Variants in FBLN1 observed in about 807,000 individuals in gnomAD.
FBLN1 encodes the protein fibulin 1.
Under a neutral mutation model 89.7 loss-of-function variants are expected in FBLN1, and 34 were observed. That is an observed-to-expected ratio of 0.38 (90% CI 0.29 to 0.50). The LOEUF is 0.50. Among genes scored for constraint, FBLN1 ranks in the 20% least tolerant of loss-of-function variants. The pLI is 0.92. For missense variants in FBLN1, 777 were observed against 988.1 expected (o/e 0.79, Z 2.86); for synonymous variants, 393 against 391.3 (o/e 1.00, Z -0.05).
At position 45,585,423 on chromosome 22, in the gene FBLN1, A is replaced by T. The variant is rs1360570506; in HGVS notation, c.1972+8315A>T. ...ATGTGCGCCGCTGACCGCGTCCTGCAGCCCATGTGGAGAGTTTGGCCCGGG... is the reference window on the plus strand; with the variant it reads ...ATGTGCGCCGCTGACCGCGTCCTGCTGCCCATGTGGAGAGTTTGGCCCGGG... On this transcript the variant is annotated intron_variant, in intron 16 of 16. Coordinates refer to ENST00000327858, the MANE Select transcript of FBLN1 (RefSeq NM_006486.3). Among the ~76,000 whole-genome samples, 3 of 152,242 alleles carry T rather than the reference A, an allele frequency of 2.0e-5. No homozygotes were observed. In the East Asian group the frequency reaches 5.8e-4, roughly 29 times the overall value.
rs528805163 is a variant in FBLN1 at position 45,549,919 on chromosome 22, G to A, written c.1574-573G>A. 1.8e-4 allele frequency among the ~76,000 whole-genome samples: 27 copies of A among 152,118 alleles called. No homozygotes were observed. The highest frequency in any genetic ancestry group is 3.5e-4 in the Non-Finnish European group (24 of 68,026). On this transcript the variant is annotated intron_variant, in intron 13 of 16. Coordinates refer to ENST00000327858, the MANE Select transcript of FBLN1 (RefSeq NM_006486.3). This position sits in a 1 kb window ranked among gnomAD's most constrained non-coding sequence, Gnocchi z 5.7. ...ACACAGGCAAGACGTATGATCCCTC[G>A]AAGGCTGTTTTTCTCATTGTTGTGT...
chr22:45,509,554 C>T (rs2146938772), intron 1 of FBLN1, among the ~76,000 whole-genome samples: 1 of 152,074 alleles, frequency 6.6e-6, no homozygotes, highest in South Asian at 2.1e-4. Flanking sequence ...CGAGTCTGTC[C>T]TCATCCTGGA....
intron 11 of FBLN1, among the ~76,000 whole-genome samples, chr22:45,546,195 G>C (rs1190666891): frequency 6.6e-6 from 1 of 151,842 alleles, no homozygotes; most frequent in Admixed American, 6.6e-5. Context: ...AAAAAAGAGT[G>C]AATGTGGCTG....
At chr22:45,589,568 G>T (rs1263175687) in intron 16 of FBLN1, among the ~76,000 whole-genome samples, 1 of 152,206 alleles carries the variant, frequency 6.6e-6, no homozygotes, top group Non-Finnish European at 1.5e-5. Context: ...TGCAGCAGGG[G>T]GCCCCTTTCT....
chr22:45,524,095 C>T (rs1406865484), intron 2 of FBLN1, among the ~76,000 whole-genome samples: 1 of 152,210 alleles, frequency 6.6e-6, no homozygotes, highest in Non-Finnish European at 1.5e-5. Flanking sequence ...CATCCTGGAG[C>T]CTGAAGGCAG....
At chr22:45,596,342 A>G (rs1372251360) in intron 16 of FBLN1, among the ~76,000 whole-genome samples, 2 of 152,162 alleles carry the variant, frequency 1.3e-5, no homozygotes, top group African/African-American at 4.8e-5. Flanking sequence ...AGCTCACTGC[A>G]TGAGCACTTT....
chr22:45,599,275 A>G (rs2089211162), intron 16 of FBLN1, among the ~76,000 whole-genome samples: 1 of 152,068 alleles, frequency 6.6e-6, no homozygotes, highest in South Asian at 2.1e-4. Flanking sequence ...TGCACCACCC[A>G]TCCTCCTTTT....
Position 45,597,546 on chromosome 22 carries a change from G to A in FBLN1, c.1973-2761G>A, listed in dbSNP as rs1412300048. Among the ~76,000 whole-genome samples the A allele has an allele frequency of 6.6e-6, 1 of 152,168 alleles. No homozygotes were observed. Among genetic ancestry groups the A allele is most frequent in the Non-Finnish European group, 1.5e-5 (1 of 68,034 alleles). The stretch of plus-strand genomic sequence containing the variant: ...ATATGACATACAGGGGGCCCACGGG[G>A]GTACGTTAGGTTCAGCCCTGTAAGC... On this transcript the variant is annotated intron_variant, in intron 16 of 16. Transcript: ENST00000327858. This position sits in a 1 kb window ranked among gnomAD's most constrained non-coding sequence, Gnocchi z 4.2.
rs553508359 is a variant in FBLN1, at chr22:45,597,938, T to C, written c.1973-2369T>C. ...ATTCTCTTTCTGAGCGTGAACTTGA[T>C]GTTCCTGACCAGGAACCAGCCACTC... On this transcript the variant is annotated intron_variant, in intron 16 of 16. Coordinates refer to ENST00000327858, the MANE Select transcript of FBLN1 (RefSeq NM_006486.3). The surrounding 1 kb of genome is among the most constrained non-coding windows in gnomAD (Gnocchi z 4.2). Among the ~76,000 whole-genome samples, 1 of 152,290 alleles carries C rather than the reference T, an allele frequency of 6.6e-6. No individual in the cohort carries two copies. Among genetic ancestry groups the C allele is most frequent in the Admixed American group, 6.5e-5 (1 of 15,300 alleles).
chr22:45,516,399 G>C (rs1320389705), intron 1 of FBLN1, among the ~76,000 whole-genome samples: 1 of 152,188 alleles, frequency 6.6e-6, no homozygotes, highest in Non-Finnish European at 1.5e-5. Context: ...AGTGCACCAC[G>C]GCCTGTCTCG....
intron 1 of FBLN1, among the ~76,000 whole-genome samples, chr22:45,514,561 G>A (rs1177479666): frequency 6.6e-6 from 1 of 152,198 alleles, no homozygotes; most frequent in African/African-American, 2.4e-5. Flanking sequence ...CAGCCCCTCG[G>A]GATTTTCCTG....
chr22:45,596,270 G>A (rs904027282), intron 16 of FBLN1, among the ~76,000 whole-genome samples: 3 of 152,210 alleles, frequency 2.0e-5, no homozygotes, highest in Non-Finnish European at 4.4e-5. Flanking sequence ...AGGTCAGTTC[G>A]TATCCTGCAG....
chr22:45,569,230 A>G (rs1324647278), intron 14 of FBLN1, among the ~76,000 whole-genome samples: 1 of 152,210 alleles, frequency 6.6e-6, no homozygotes, highest in African/African-American at 2.4e-5. Context: ...TGAATTCCTA[A>G]TCCCTAATAC....
chr22:45,506,748 A>G (rs994728085), intron 1 of FBLN1, among the ~76,000 whole-genome samples: 1 of 152,002 alleles, frequency 6.6e-6, no homozygotes, highest in Non-Finnish European at 1.5e-5. Context: ...CCTCCTCACC[A>G]CTGGGGGAGA....
Position 45,583,816 on chromosome 22 carries a change from C to A in FBLN1, c.1972+6708C>A, listed in dbSNP as rs1173511727. On this transcript the variant is annotated intron_variant, in intron 16 of 16. Coordinates refer to ENST00000327858, the MANE Select transcript of FBLN1 (RefSeq NM_006486.3). This position sits in a 1 kb window ranked among gnomAD's most constrained non-coding sequence, Gnocchi z 4.5. The stretch of plus-strand genomic sequence containing the variant: ...AGAGAGAGAGAATGAGAGAGAGAGA[C>A]AGAGAGAGACCTGTGGGACCAAAGC... Among the ~76,000 whole-genome samples the A allele has an allele frequency of 6.6e-6, 1 of 151,988 alleles. No individual in the cohort carries two copies. Among genetic ancestry groups the A allele is most frequent in the Non-Finnish European group, 1.5e-5 (1 of 67,982 alleles).
Position 45,581,302 on chromosome 22 carries a change from T to C in FBLN1, c.1972+4194T>C, listed in dbSNP as rs1312417687. ...CAGCCTCCAGATCACCACTTCCTTT[T>C]AACTCTCAGGCCAGCCACATCTGTG... On this transcript the variant is annotated intron_variant, in intron 16 of 16. Coordinates refer to ENST00000327858, the MANE Select transcript of FBLN1 (RefSeq NM_006486.3). The surrounding 1 kb of genome is among the most constrained non-coding windows in gnomAD (Gnocchi z 7.6). 6.6e-6 allele frequency among the ~76,000 whole-genome samples: 1 copy of C among 152,034 alleles called. No homozygotes were observed.
rs1202597502 is a variant in FBLN1 at position 45,556,192 on chromosome 22, C to A, written c.1697+5577C>A. 6.6e-6 allele frequency among the ~76,000 whole-genome samples: 1 copy of A among 152,180 alleles called. No individual in the cohort carries two copies. The highest frequency in any genetic ancestry group is 1.5e-5 in the Non-Finnish European group (1 of 68,042). ...TCTATTTTAAGTAGAGATGGGGTTTCACCATGTGGGTCAGGCTGGTCTTGA... is the reference window on the plus strand; with the variant it reads ...TCTATTTTAAGTAGAGATGGGGTTTAACCATGTGGGTCAGGCTGGTCTTGA... On this transcript the variant is annotated intron_variant, in intron 14 of 16. Coordinates refer to ENST00000327858, the MANE Select transcript of FBLN1 (RefSeq NM_006486.3). This position sits in a 1 kb window ranked among gnomAD's most constrained non-coding sequence, Gnocchi z 4.6.
At position 45,551,001 on chromosome 22, in the gene FBLN1, C is replaced by G. The variant is rs1370640161; in HGVS notation, c.1697+386C>G. The G allele has an allele frequency of 4.5e-5, 15 of 330,362 alleles. 1 individual carries two copies. The highest frequency in any genetic ancestry group is 8.8e-5 in the Non-Finnish European group (15 of 169,650). 20.5% of individuals were successfully genotyped at this position (330,362 alleles called of 1,614,324 possible). On this transcript the variant is annotated intron_variant, in intron 14 of 16. Transcript: ENST00000327858. ...CTGAGATGCATAGGTAGCAATGTCT[C>G]CATGTCAGCCCAAAGCCAGGGAGCC...
At position 45,531,685 on chromosome 22, in the gene FBLN1, C is replaced by T. The variant is rs1473547727; in HGVS notation, c.544+361C>T. ...CCTGAGGAGTCGTGGACTCCCAGCTCCTCCTTCCCTTTCCCCTTCCAGATC... is the reference window on the plus strand; with the variant it reads ...CCTGAGGAGTCGTGGACTCCCAGCTTCTCCTTCCCTTTCCCCTTCCAGATC... On this transcript the variant is annotated intron_variant, in intron 5 of 16. Coordinates refer to ENST00000327858, the MANE Select transcript of FBLN1 (RefSeq NM_006486.3). This position sits in a 1 kb window ranked among gnomAD's most constrained non-coding sequence, Gnocchi z 4.9. Among the ~76,000 whole-genome samples, 2 of 152,224 alleles carry T rather than the reference C, an allele frequency of 1.3e-5. No individual in the cohort carries two copies. Among genetic ancestry groups the T allele is most frequent in the East Asian group, 3.8e-4 (2 of 5,200 alleles).
Sources: gnomAD v4.1 joint callset for allele counts (sites outside exome capture counted in the v4.1 genomes callset) on GRCh38, gnomAD v4.1.1 for gene constraint, Gnocchi (gnomAD v3.1) non-coding constraint, MANE v1.5 for transcripts, NCBI Gene and HGNC (gene_info 2026-07-23, HGNC 2026-07-21) for gene names.